Variants in ZNF567 observed in about 807,000 individuals in gnomAD.
The protein encoded by ZNF567 is zinc finger protein 567.
In ZNF567, 36 loss-of-function variants were observed where a neutral mutation model predicts 53.9. The observed-to-expected ratio is 0.67, with a 90% CI of 0.51 to 0.88. The LOEUF (loss-of-function observed/expected upper bound fraction) is 0.88, where lower values mean the gene tolerates loss of function less well. ZNF567 is among the 40% of genes least tolerant of loss of function. The probability of loss-of-function intolerance (pLI) is 0.00; values close to 1 mark genes in which losing one functional copy is unlikely to be tolerated. For synonymous variants in ZNF567, 224 were observed against 260.4 expected (o/e 0.86, Z 1.35); for missense variants, 619 against 764.7 (o/e 0.81, Z 2.25).
chr19:36,694,326 G>A (rs1010362484), intron 2 of ZNF567, among the ~76,000 whole-genome samples: 13 of 152,262 alleles, frequency 8.5e-5, no homozygotes, highest in African/African-American at 2.2e-4. Context: ...AGCTAAAAGC[G>A]TTCTTTAAAC....
intron 3 of ZNF567, among the ~76,000 whole-genome samples, chr19:36,699,408 C>A (rs2039059890): frequency 6.6e-6 from 1 of 152,086 alleles, no homozygotes; most frequent in South Asian, 2.1e-4. Flanking sequence ...GATGTGGGCT[C>A]TTTTTTGGTT....
chr19:36,702,055 C>G (rs1379198672), intron 3 of ZNF567, among the ~76,000 whole-genome samples: 2 of 152,162 alleles, frequency 1.3e-5, no homozygotes, highest in East Asian at 3.9e-4. Context: ...TTTGCAGCGG[C>G]TGGTACTGGT....
chr19:36,678,642 AGACCATCCTTGG>A, the ZNF567 span, among the ~76,000 whole-genome samples: 1 of 151,694 alleles, frequency 6.6e-6, no homozygotes, highest in African/African-American at 2.4e-5. Context: ...CAGGAGATTG[AGACCATCCTTGG>A]GGTTAGGTGA....
At chr19:36,670,844 G>A in the ZNF567 span, among the ~76,000 whole-genome samples, 1,168 of 152,244 alleles carry the variant, frequency 7.7e-3, 14 homozygotes, top group African/African-American at 0.026. Flanking sequence ...GCTCACACCT[G>A]TAATCCCAGC....
chr19:36,715,310 A>C (rs973822170), intron 5 of ZNF567, among the ~76,000 whole-genome samples: 1 of 149,870 alleles, frequency 6.7e-6, no homozygotes, highest in Admixed American at 6.6e-5. Context: ...ACAGGTGCCC[A>C]CCACCATGCC....
At chr19:36,692,516 G>C (rs1434953263) in intron 2 of ZNF567, among the ~76,000 whole-genome samples, 1 of 152,054 alleles carries the variant, frequency 6.6e-6, no homozygotes, top group African/African-American at 2.4e-5. Flanking sequence ...GGGACTACAG[G>C]TACACGCCCC....
intron 3 of ZNF567, among the ~76,000 whole-genome samples, chr19:36,710,462 A>G (rs570065113): frequency 6.6e-6 from 1 of 152,066 alleles, no homozygotes; most frequent in African/African-American, 2.4e-5. Flanking sequence ...TGTAATCTGA[A>G]TTCTGTTATA....
chr19:36,684,012 C>T (rs2038225699), upstream of ZNF567, among the ~76,000 whole-genome samples: 1 of 151,948 alleles, frequency 6.6e-6, no homozygotes, highest in Non-Finnish European at 1.5e-5. Context: ...TAAGACTATC[C>T]AAAATATACA....
At chr19:36,710,451 T>C (rs1230118511) in intron 3 of ZNF567, among the ~76,000 whole-genome samples, 1 of 152,160 alleles carries the variant, frequency 6.6e-6, no homozygotes, top group African/African-American at 2.4e-5. Context: ...ATAAATAGTA[T>C]TGTAATCTGA....
chr19:36,706,526 T>G (rs2039496240), intron 3 of ZNF567, among the ~76,000 whole-genome samples: 1 of 151,456 alleles, frequency 6.6e-6, no homozygotes, highest in Non-Finnish European at 1.5e-5. Context: ...GCTTTTGGGT[T>G]CAACCAATCT....
At chr19:36,687,115 A>C (rs1234285741), upstream of ZNF567, among the ~76,000 whole-genome samples, 2 of 152,126 alleles carry the variant, frequency 1.3e-5, no homozygotes, top group East Asian at 1.9e-4. Flanking sequence ...TACACACACA[A>C]CACCACAGAC....
Position 36,720,379 on chromosome 19 carries a change from A to G in ZNF567, c.1655A>G (p.Gln552Arg), listed in dbSNP as rs138244720. The G allele has an allele frequency of 3.9e-5, 63 of 1,614,098 alleles. No homozygotes were observed. The highest frequency in any genetic ancestry group is 5.1e-5 in the Non-Finnish European group (60 of 1,180,048). ...FRQKATLTVHQKIHTGQKSYE... is the reference protein window; with the variant it reads ...FRQKATLTVHRKIHTGQKSYE... Reference sequence around the variant, plus strand: ...CAGAAAGCAACCCTCACTGTACATCAGAAAATACATACCGGCCAGAAATCC... The same window carrying G: ...CAGAAAGCAACCCTCACTGTACATCGGAAAATACATACCGGCCAGAAATCC... Residue 552 changes from glutamine (Q) to arginine (R), a missense_variant, in exon 6 of 6, where the codon CAG becomes CGG. By Grantham distance (43) the Gln-to-Arg change is conservative (BLOSUM62 1). Coordinates refer to ENST00000682579, the MANE Select transcript of ZNF567 (RefSeq NM_001322917.1).
intron 2 of ZNF567, among the ~76,000 whole-genome samples, chr19:36,693,931 G>A (rs2038748676): frequency 6.6e-6 from 1 of 152,170 alleles, no homozygotes; most frequent in Non-Finnish European, 1.5e-5. Context: ...GGGCACAATG[G>A]CTTACGCCTG....
rs2040292975 is a variant in ZNF567 at position 36,721,283 on chromosome 19, A to G, written c.*615A>G. On this transcript the variant is annotated 3_prime_UTR_variant, in exon 6 of 6. Coordinates refer to ENST00000682579, the MANE Select transcript of ZNF567 (RefSeq NM_001322917.1). The stretch of plus-strand genomic sequence containing the variant: ...GTTTATCCTATTGATGGATATTTGT[A>G]TTTTTTATACTTTTGTGTAATAATA... The G allele has an allele frequency of 6.6e-6, 1 of 152,052 alleles. No homozygotes were observed. Among genetic ancestry groups the G allele is most frequent in the Admixed American group, 6.6e-5 (1 of 15,254 alleles). 9.4% of individuals were successfully genotyped at this position (152,052 alleles called of 1,614,324 possible). A position where few individuals can be genotyped will look rare whatever the true frequency, so the allele number is the denominator to read the frequency against.
upstream of ZNF567, chr19:36,686,820 G>A (rs966161325): frequency 6.6e-6 from 1 of 152,076 alleles, no homozygotes; most frequent in Non-Finnish European, 1.5e-5. Flanking sequence ...TAAAGCGGGA[G>A]AAAAAAGGAA....
intron 1 of ZNF567, among the ~76,000 whole-genome samples, chr19:36,688,837 G>C (rs1052332680): frequency 6.7e-6 from 1 of 149,934 alleles, no homozygotes; most frequent in African/African-American, 2.5e-5. Context: ...GCCCATGCGC[G>C]GTGGCTCACG....
At chr19:36,697,619 T>C (rs931273753) in intron 3 of ZNF567, among the ~76,000 whole-genome samples, 1 of 151,626 alleles carries the variant, frequency 6.6e-6, no homozygotes, top group East Asian at 1.9e-4. Context: ...TTTTTCTTTT[T>C]TTTTTTTTCT....
At chr19:36,723,311 C>A, downstream of ZNF567, 1 of 696,418 alleles carries the variant, frequency 1.4e-6, no homozygotes, top group Non-Finnish European at 2.6e-6. Context: ...CCAGACATTT[C>A]AGTGGCTACC....
intron 3 of ZNF567, among the ~76,000 whole-genome samples, chr19:36,697,424 CTG>C (rs931579738): frequency 2.6e-4 from 40 of 151,702 alleles, no homozygotes; most frequent in African/African-American, 9.7e-4. Flanking sequence ...TGAATAATGA[CTG>C]TTTTCTTTCT....
Sources: allele counts gnomAD v4.1 joint callset (sites outside exome capture counted in the v4.1 genomes callset), GRCh38; gene constraint gnomAD v4.1.1; transcripts MANE v1.5; gene names NCBI Gene and HGNC (gene_info 2026-07-23, HGNC 2026-07-21).